STPG2: variants seen among roughly 807,000 people sequenced by gnomAD.
STPG2 encodes the protein sperm tail PG-rich repeat containing 2.
A neutral mutation model predicts 54.2 loss-of-function variants in STPG2; 56 were observed. That is an observed-to-expected ratio of 1.03 (90% confidence interval 0.83 to 1.29). STPG2 has a LOEUF of 1.29. STPG2 is among the 50% of genes most tolerant of loss of function. The pLI is 0.00. For missense variants in STPG2, 596 were observed against 544.9 expected (o/e 1.09, Z -0.93); for synonymous variants, 200 against 181.8 (o/e 1.10, Z -0.81).
chr4:97,639,559 AT>A (rs1721692707), intron 10 of STPG2, among the ~76,000 whole-genome samples: 1 of 152,100 alleles, frequency 6.6e-6, no homozygotes, highest in South Asian at 2.1e-4. Context: ...TTAAGACAAA[AT>A]TGTAGAATTC....
intron 10 of STPG2, among the ~76,000 whole-genome samples, chr4:97,657,993 T>A (rs975362609): frequency 6.6e-6 from 1 of 152,192 alleles, no homozygotes; most frequent in African/African-American, 2.4e-5. Context: ...TTGCATAAAA[T>A]GATGAGATTT....
intron 10 of STPG2, among the ~76,000 whole-genome samples, chr4:97,682,661 T>A (rs1723070068): frequency 6.6e-6 from 1 of 151,756 alleles, no homozygotes; most frequent in African/African-American, 2.4e-5. Context: ...CTTGGTAAAT[T>A]TTAACAGTAA....
At chr4:98,032,039 G>C (rs1209932450) in intron 5 of STPG2, among the ~76,000 whole-genome samples, 7 of 152,074 alleles carry the variant, frequency 4.6e-5, no homozygotes, top group African/African-American at 1.7e-4. Flanking sequence ...CTGCAATAAT[G>C]GCCATAATCA....
intron 9 of STPG2, among the ~76,000 whole-genome samples, chr4:97,809,108 A>T (rs1444367748): frequency 6.6e-6 from 1 of 152,196 alleles, no homozygotes; most frequent in Non-Finnish European, 1.5e-5. Flanking sequence ...TGATAATTTA[A>T]ATTTAAAACT....
chr4:97,798,529 T>G (rs1170159712), intron 9 of STPG2, among the ~76,000 whole-genome samples: 1 of 152,048 alleles, frequency 6.6e-6, no homozygotes. Context: ...CTAGTTTGAT[T>G]GCACTGTGGT....
chr4:98,054,466 G>A (rs904566419), intron 5 of STPG2, among the ~76,000 whole-genome samples: 1 of 152,086 alleles, frequency 6.6e-6, no homozygotes, highest in Admixed American at 6.5e-5. Context: ...TAACAAGCTT[G>A]TTTTGTTACA....
At chr4:97,714,879 G>T (rs895790753) in intron 9 of STPG2, among the ~76,000 whole-genome samples, 2 of 152,048 alleles carry the variant, frequency 1.3e-5, no homozygotes, top group African/African-American at 2.4e-5. Flanking sequence ...TATTGTAACT[G>T]TAATTTTCAT....
intron 7 of STPG2, 23 bp downstream of exon 7, chr4:97,972,257 T>C (rs1182504952): frequency 2.7e-6 from 4 of 1,475,002 alleles, no homozygotes; most frequent in Non-Finnish European, 3.7e-6. Flanking sequence ...ATAAAGAATA[T>C]TATTTTTGTA....
chr4:97,539,424 TA>T (rs1731634074), intron 4 of STPG2, among the ~76,000 whole-genome samples: 1 of 151,736 alleles, frequency 6.6e-6, no homozygotes, highest in Non-Finnish European at 1.5e-5. Flanking sequence ...TTTAAACCAA[TA>T]AAGATCAAAA....
chr4:97,805,034 C>G (rs574314654), intron 9 of STPG2, among the ~76,000 whole-genome samples: 93 of 152,216 alleles, frequency 6.1e-4, no homozygotes, highest in African/African-American at 2.1e-3. Flanking sequence ...TTTCTCAGAG[C>G]ATATTTCCAT....
chr4:97,910,597 T>C (rs962499986), intron 8 of STPG2, among the ~76,000 whole-genome samples: 3 of 152,132 alleles, frequency 2.0e-5, no homozygotes, highest in African/African-American at 7.2e-5. Flanking sequence ...AATCTGACTT[T>C]CTACTAAAAC....
At chr4:98,035,905 A>G (rs1736761404) in intron 5 of STPG2, among the ~76,000 whole-genome samples, 2 of 151,818 alleles carry the variant, frequency 1.3e-5, no homozygotes, top group South Asian at 2.1e-4. Context: ...ATGAGAACAC[A>G]TGGACACAGG....
At chr4:98,005,318 C>T (rs1346257948) in intron 5 of STPG2, among the ~76,000 whole-genome samples, 1 of 152,140 alleles carries the variant, frequency 6.6e-6, no homozygotes, top group Non-Finnish European at 1.5e-5. Flanking sequence ...CACAGACACA[C>T]CTAGGAACAA....
At chr4:97,894,235 C>T (rs539226602) in intron 8 of STPG2, among the ~76,000 whole-genome samples, 1 of 151,946 alleles carries the variant, frequency 6.6e-6, no homozygotes, top group South Asian at 2.1e-4. Flanking sequence ...ATACAGGTGA[C>T]TCATGAATAA....
intron 5 of STPG2, among the ~76,000 whole-genome samples, chr4:98,039,908 C>T (rs1736895731): frequency 6.6e-6 from 1 of 151,646 alleles, no homozygotes; most frequent in South Asian, 2.1e-4. Context: ...TATTATTTTC[C>T]ATAAAGGCTG....
chr4:98,135,920 T>A (rs527924500), intron 1 of STPG2, among the ~76,000 whole-genome samples: 32 of 151,398 alleles, frequency 2.1e-4, no homozygotes, highest in African/African-American at 7.7e-4. Flanking sequence ...ACATACACAC[T>A]CAAACTACAT....
At chr4:97,814,688 G>A (rs1270112269) in intron 9 of STPG2, among the ~76,000 whole-genome samples, 1 of 152,092 alleles carries the variant, frequency 6.6e-6, no homozygotes, top group Non-Finnish European at 1.5e-5. Flanking sequence ...CTTAATCTGG[G>A]TGGGCAGTAC....
intron 9 of STPG2, among the ~76,000 whole-genome samples, chr4:97,786,353 T>G (rs1465722928): frequency 6.6e-6 from 1 of 152,136 alleles, no homozygotes. Context: ...TCTTTAGTTT[T>G]TATTGTTCAG....
At chr4:97,568,908 T>G (rs113026577) in intron 10 of STPG2, among the ~76,000 whole-genome samples, 186 of 150,604 alleles carry the variant, frequency 1.2e-3, no homozygotes, top group African/African-American at 2.1e-3. Context: ...TTGTTTTTTT[T>G]TTTGTTTGTT....
Sources: allele counts gnomAD v4.1 joint callset (sites outside exome capture counted in the v4.1 genomes callset), GRCh38; gene constraint gnomAD v4.1.1; transcripts MANE v1.5; gene names NCBI Gene and HGNC (gene_info 2026-07-23, HGNC 2026-07-21).